The following NGLY1 variants were observed in gnomAD, a reference collection of about 807,000 sequenced individuals.
NGLY1 encodes the protein N-glycanase 1.
In NGLY1, 68 loss-of-function variants were observed where a neutral mutation model predicts 84.6. The observed-to-expected ratio is 0.80, with a 90% CI of 0.66 to 0.98. The LOEUF is 0.98. NGLY1 is among the 50% of genes least tolerant of loss of function. NGLY1 has a pLI of 0.00. For synonymous variants in NGLY1, 280 were observed against 275.2 expected, an observed-to-expected ratio of 1.02 and a Z score of -0.17; for missense variants, 779 against 770.2, an observed-to-expected ratio of 1.01 and a Z score of -0.14.
In NGLY1 at chr3:25,719,538, G is replaced by C. The variant is rs763977884; in HGVS notation, c.1887C>G (p.His629Gln). 1 of 1,614,000 alleles carries C rather than the reference G, an allele frequency of 6.2e-7. No homozygotes were observed. Among genetic ancestry groups the C allele is most frequent in the South Asian group, 1.1e-5 (1 of 91,078 alleles). Residue 629 changes from histidine (H) to glutamine (Q), a missense_variant, in exon 12 of 12, where the codon CAC (histidine) becomes CAG (glutamine). His to Gln is a conservative substitution (Grantham distance 24). Transcript: ENST00000280700. ...SRGDGDVAWQHTQLFRQSLND... is the reference protein window; with the variant it reads ...SRGDGDVAWQQTQLFRQSLND... ...TTAAGCTTTGTCTAAACAGCTGGGT[G>C]TGTTGCCAAGCGACATCACCATCTC...
chr3:25,781,139 C>T (rs1365122033), intron 1 of NGLY1, among the ~76,000 whole-genome samples: 1 of 151,980 alleles, frequency 6.6e-6, no homozygotes, highest in Non-Finnish European at 1.5e-5. Context: ...TTTGTAGAGA[C>T]GGGGTTTAGC....
chr3:25,736,724 A>G lies in NGLY1; in HGVS notation c.1004-575T>C, dbSNP rs567759713. On this transcript the variant is annotated intron_variant, in intron 6 of 11. Transcript: ENST00000280700. ...CACATGACTTTTATTATTTCTGTATACTGTGCTTTAAGTTTATAGTTTACT... is the reference window on the plus strand; with the variant it reads ...CACATGACTTTTATTATTTCTGTATGCTGTGCTTTAAGTTTATAGTTTACT... The G allele has an allele frequency of 3.9e-5, 8 of 203,154 alleles. No homozygotes were observed. The South Asian group carries it at 6.3e-4, about 16-fold the overall frequency. 12.6% of individuals were successfully genotyped at this position (203,154 alleles called of 1,614,324 possible).
chr3:25,721,684 G>A (rs1335754273), intron 10 of NGLY1, among the ~76,000 whole-genome samples: 1 of 144,368 alleles, frequency 6.9e-6, no homozygotes, highest in African/African-American at 2.7e-5. Flanking sequence ...GGGGGGCGGA[G>A]CTTGCAGTGA....
chr3:25,779,585 C>T (rs978755977), intron 1 of NGLY1, among the ~76,000 whole-genome samples: 1 of 149,370 alleles, frequency 6.7e-6, no homozygotes, highest in African/African-American at 2.6e-5. Flanking sequence ...GATGTACTTC[C>T]ATAAGAAGCC....
In NGLY1 at chr3:25,783,369, T is replaced by A. The variant is rs1198660180; in HGVS notation, c.22A>T (p.Ser8Cys). MAAAALG[S>C]SSGSASPAVA... The stretch of plus-strand genomic sequence containing the variant: ...GCCGGGGACGCCGAGCCTGAGGAGC[T>A]GCCCAATGCCGCCGCCGCCATGCTT... The change falls in exon 1 of 12, where the codon AGC becomes TGC. Residue 8 changes from serine (S) to cysteine (C), a missense_variant. Ser to Cys is a moderately radical substitution (Grantham distance 112). Transcript: ENST00000280700. This position sits in a 1 kb window ranked among gnomAD's most constrained non-coding sequence, Gnocchi z 4.5. 1.3e-6 allele frequency: 2 copies of A among 1,548,946 alleles called. No homozygotes were observed. Among genetic ancestry groups the A allele is most frequent in the Admixed American group, 2.0e-5 (1 of 50,784 alleles).
intron 2 of NGLY1, among the ~76,000 whole-genome samples, chr3:25,769,987 C>T (rs1452154451): frequency 6.6e-6 from 1 of 152,110 alleles, no homozygotes; most frequent in African/African-American, 2.4e-5. Context: ...ATTCTTAGGC[C>T]TTTGCATCCA....
chr3:25,729,604 CACT>C (rs561269253), intron 9 of NGLY1: 52 of 189,442 alleles, frequency 2.7e-4, no homozygotes, highest in African/African-American at 1.1e-3. Flanking sequence ...CTACCACCAC[CACT>C]ATCCCCCTAC....
intron 2 of NGLY1, among the ~76,000 whole-genome samples, chr3:25,766,653 A>C (rs1348682211): frequency 6.6e-6 from 1 of 152,230 alleles, no homozygotes. Flanking sequence ...AGGCCTAGGA[A>C]GAGAAACCAG....
At chr3:25,753,755 G>GA (rs376330798) in intron 3 of NGLY1, among the ~76,000 whole-genome samples, 1 of 151,006 alleles carries the variant, frequency 6.6e-6, no homozygotes, top group African/African-American at 2.4e-5. Flanking sequence ...AGGGAGAAAA[G>GA]AAAAAAAAGC....
chr3:25,788,598 A>G (rs1708653318), intron 1 of NGLY1, among the ~76,000 whole-genome samples: 1 of 152,244 alleles, frequency 6.6e-6, no homozygotes, highest in African/African-American at 2.4e-5. Flanking sequence ...TGATATTACA[A>G]AAGAAATAGC....
At chr3:25,737,786 C>T (rs996390376) in intron 5 of NGLY1, among the ~76,000 whole-genome samples, 33 of 152,016 alleles carry the variant, frequency 2.2e-4, no homozygotes, top group African/African-American at 1.4e-4. Flanking sequence ...CCTCGTGATT[C>T]GCCCGCCTCA....
At chr3:25,740,895 G>A (rs903490077) in intron 4 of NGLY1, among the ~76,000 whole-genome samples, 1 of 152,170 alleles carries the variant, frequency 6.6e-6, no homozygotes, top group Non-Finnish European at 1.5e-5. Context: ...GGGAGGCCAA[G>A]GTAGGCAGAT....
At chr3:25,789,705 C>A (rs560564005) in intron 1 of NGLY1, 2 of 890,490 alleles carry the variant, frequency 2.2e-6, no homozygotes, top group Non-Finnish European at 3.5e-6. Context: ...AATAACGTTG[C>A]GAGCTATAGC....
chr3:25,748,575 C>T (rs1706562956), intron 4 of NGLY1, among the ~76,000 whole-genome samples: 1 of 152,152 alleles, frequency 6.6e-6, no homozygotes, highest in Non-Finnish European at 1.5e-5. Flanking sequence ...TAAAAATTAT[C>T]ATTCTTATTT....
intron 2 of NGLY1, among the ~76,000 whole-genome samples, chr3:25,775,091 G>A (rs13075338): frequency 0.045 from 6,883 of 152,244 alleles, 248 homozygotes; most frequent in African/African-American, 0.1. Flanking sequence ...GACTTTCCCC[G>A]TCACACTTCG....
intron 1 of NGLY1, chr3:25,782,998 T>C (rs940992514): frequency 4.8e-6 from 2 of 417,170 alleles, no homozygotes; most frequent in Non-Finnish European, 4.3e-6. Flanking sequence ...GGGACTCCAG[T>C]TCACCCGCAG....
At chr3:25,753,510 T>C (rs1247283686) in intron 3 of NGLY1, among the ~76,000 whole-genome samples, 1 of 152,132 alleles carries the variant, frequency 6.6e-6, no homozygotes, top group Non-Finnish European at 1.5e-5. Flanking sequence ...TCGATTGGTA[T>C]AGATAATCAC....
At chr3:25,737,262 G>T in intron 6 of NGLY1, 72 bp downstream of exon 6, 1 of 1,294,522 alleles carries the variant, frequency 7.7e-7, no homozygotes, top group South Asian at 1.5e-5. Context: ...GAGAATCATG[G>T]GCTCAGAATG....
chr3:25,736,191 T>C lies in NGLY1; in HGVS notation c.1004-42A>G, dbSNP rs770961375. 2.5e-6 allele frequency: 4 copies of C among 1,599,204 alleles called. No homozygotes were observed. In the African/African-American group the frequency reaches 4.0e-5, roughly 16 times the overall value. ...AAAGAGAGCAATGGAAAAAAGACAA[T>C]GAAATCAGAATGACTTTCAATAACT... On this transcript the variant is annotated intron_variant, in intron 6 of 11. Coordinates refer to ENST00000280700, the MANE Select transcript of NGLY1 (RefSeq NM_018297.4).
Sources: gnomAD v4.1 joint callset for allele counts (sites outside exome capture counted in the v4.1 genomes callset) on GRCh38, gnomAD v4.1.1 for gene constraint, Gnocchi (gnomAD v3.1) non-coding constraint, MANE v1.5 for transcripts, NCBI Gene and HGNC (gene_info 2026-07-23, HGNC 2026-07-21) for gene names.